The following NBAS variants were observed in gnomAD, a reference collection of about 807,000 sequenced individuals.
The protein encoded by NBAS is NBAS subunit of NRZ tethering complex, also known as NAG/BC035112 fusion.
A neutral mutation model predicts 302.5 loss-of-function variants in NBAS; 219 were observed. That is an observed-to-expected ratio of 0.72 (90% CI 0.65 to 0.81). The LOEUF is 0.81. Among genes scored for constraint, NBAS ranks in the 30% least tolerant of loss-of-function variants. The pLI, the probability that NBAS is intolerant of heterozygous loss-of-function variation, is 0.00. For synonymous variants in NBAS, 1,118 were observed against 1,021.6 expected (o/e 1.09, Z -1.80); for missense variants, 2,932 against 2,841.6 (o/e 1.03, Z -0.72).
chr2:15,474,549 T>TTTCTTC (rs57852145), intron 14 of NBAS, among the ~76,000 whole-genome samples: 4,781 of 147,796 alleles, frequency 0.032, 98 homozygotes, highest in Middle Eastern at 0.062. Context: ...AGCCTGTTTT[T>TTTCTTC]TTCTTCTTCT....
At chr2:14,785,915 C>G in the NBAS span, among the ~76,000 whole-genome samples, 3 of 152,130 alleles carry the variant, frequency 2.0e-5, no homozygotes, top group Non-Finnish European at 4.4e-5. Flanking sequence ...CCTCCTTGTA[C>G]CTCTGGTAGA....
At chr2:15,046,954 G>A in the NBAS span, among the ~76,000 whole-genome samples, 1 of 152,254 alleles carries the variant, frequency 6.6e-6, no homozygotes, top group Non-Finnish European at 1.5e-5. Context: ...CATCATCAGG[G>A]GAGCAGCAAG....
the NBAS span, chr2:14,886,814 T>C: frequency 2.0e-5 from 3 of 152,312 alleles, no homozygotes; most frequent in South Asian, 6.2e-4. Context: ...ATTGGGTAAA[T>C]GCATATCAAC....
the NBAS span, among the ~76,000 whole-genome samples, chr2:14,794,563 A>T: frequency 2.0e-3 from 308 of 152,232 alleles, no homozygotes; most frequent in African/African-American, 7.1e-3. Context: ...TTTATGTTTT[A>T]TTTATATATT....
intron 21 of NBAS, among the ~76,000 whole-genome samples, chr2:15,439,400 G>A (rs943950110): frequency 2.0e-5 from 3 of 151,506 alleles, no homozygotes; most frequent in Non-Finnish European, 4.4e-5. Flanking sequence ...AAAGCTAAAA[G>A]GTAAACCTCA....
At chr2:15,440,450 T>C (rs1419160821) in intron 21 of NBAS, among the ~76,000 whole-genome samples, 2 of 152,214 alleles carry the variant, frequency 1.3e-5, no homozygotes, top group African/African-American at 4.8e-5. Flanking sequence ...CTGAGGGTCC[T>C]GTCTGTTAGA....
the NBAS span, among the ~76,000 whole-genome samples, chr2:14,897,815 A>C: frequency 1.3e-5 from 2 of 152,112 alleles, no homozygotes; most frequent in African/African-American, 4.8e-5. Context: ...GTGGTTAACA[A>C]TGAGACTGTG....
the NBAS span, among the ~76,000 whole-genome samples, chr2:14,959,816 C>T: frequency 6.6e-6 from 1 of 152,172 alleles, no homozygotes; most frequent in Admixed American, 6.5e-5. Flanking sequence ...CCCTGAGAAG[C>T]ATTCCCCGTC....
At chr2:14,799,270 T>G in the NBAS span, among the ~76,000 whole-genome samples, 2 of 152,096 alleles carry the variant, frequency 1.3e-5, no homozygotes, top group Non-Finnish European at 2.9e-5. Flanking sequence ...ATGTATTCAT[T>G]CAGTCCAAAA....
At chr2:15,292,907 C>T (rs1670376426) in intron 40 of NBAS, 141 bp from the exon 41 acceptor site, 1 of 843,984 alleles carries the variant, frequency 1.2e-6, no homozygotes, top group Admixed American at 2.1e-5. Context: ...TCACAACGGC[C>T]CTGAAAAGTC....
In NBAS at chr2:15,234,709, G is replaced by C; in HGVS notation, c.5982C>G (p.Ser1994=). The change falls in exon 46 of 52, where the codon TCC becomes TCG. Residue 1994 remains serine, a synonymous_variant. Transcript: ENST00000281513. ...LQKYSHLYDL[S]RSEKEKLHDE... is the part of the protein sequence containing the mutation. Reference sequence around the variant, plus strand: ...CATGAAGTTTCTCTTTTTCTGATCGGGACAGATCATAGAGGTGACTGTATT... The same window carrying C: ...CATGAAGTTTCTCTTTTTCTGATCGCGACAGATCATAGAGGTGACTGTATT... 1 of 1,614,040 alleles carries C rather than the reference G, an allele frequency of 6.2e-7. No homozygotes were observed. The highest frequency in any genetic ancestry group is 1.1e-5 in the South Asian group (1 of 91,076).
chr2:15,176,267 TA>T (rs1478651606), intron 51 of NBAS, among the ~76,000 whole-genome samples: 1 of 152,228 alleles, frequency 6.6e-6, no homozygotes, highest in East Asian at 1.9e-4. Flanking sequence ...AGTGATTTCA[TA>T]TTTTATTTAT....
At chr2:15,236,527 CAAAAAAAAA>C (rs1167993098) in intron 45 of NBAS, among the ~76,000 whole-genome samples, 6 of 28,308 alleles carry the variant, frequency 2.1e-4, no homozygotes, top group South Asian at 4.0e-3. Context: ...GACCCTGTCT[CAAAAAAAAA>C]AAAAAAAAAA....
Position 15,367,631 on chromosome 2 carries a change from T to C in NBAS, c.3704-938A>G, listed in dbSNP as rs560689267. 2.6e-5 allele frequency among the ~76,000 whole-genome samples: 4 copies of C among 152,290 alleles called. No individual in the cohort carries two copies. In the South Asian group the frequency reaches 6.2e-4, roughly 24 times the overall value. ...CCAAAATTCAACCCAGCTCGCTAAATGTTTTCACACCTTGAATCCTTTATC... is the reference window on the plus strand; with the variant it reads ...CCAAAATTCAACCCAGCTCGCTAAACGTTTTCACACCTTGAATCCTTTATC... On this transcript the variant is annotated intron_variant, in intron 31 of 51. Coordinates refer to ENST00000281513, the MANE Select transcript of NBAS (RefSeq NM_015909.4).
chr2:14,783,481 C>A, the NBAS span, among the ~76,000 whole-genome samples: 3 of 127,070 alleles, frequency 2.4e-5, no homozygotes, highest in East Asian at 5.5e-4. Flanking sequence ...TCCCCCCACC[C>A]CGCAACAGTC....
chr2:15,072,483 T>C, the NBAS span, among the ~76,000 whole-genome samples: 12 of 151,750 alleles, frequency 7.9e-5, no homozygotes, highest in Non-Finnish European at 1.0e-4. Flanking sequence ...TTCTGTAGTA[T>C]TGAAGATTTT....
At chr2:14,901,397 T>G in the NBAS span, among the ~76,000 whole-genome samples, 1 of 152,038 alleles carries the variant, frequency 6.6e-6, no homozygotes, top group Admixed American at 6.5e-5. Context: ...AAAATTTGAT[T>G]ATTCTTCAGC....
chr2:14,794,801 C>G, the NBAS span, among the ~76,000 whole-genome samples: 1 of 152,152 alleles, frequency 6.6e-6, no homozygotes, highest in Non-Finnish European at 1.5e-5. Context: ...GATCTGCTTT[C>G]TGTCACTCCA....
intron 47 of NBAS, 125 bp from the exon 48 acceptor site, chr2:15,219,093 A>G (rs1439861951): frequency 1.7e-6 from 2 of 1,196,098 alleles, no homozygotes; most frequent in East Asian, 5.1e-5. Flanking sequence ...TTCCTCTTGA[A>G]AGGAAAAATT....
Sources: allele counts gnomAD v4.1 joint callset (sites outside exome capture counted in the v4.1 genomes callset), GRCh38; gene constraint gnomAD v4.1.1; transcripts MANE v1.5; gene names NCBI Gene and HGNC (gene_info 2026-07-23, HGNC 2026-07-21).